PRKAG2: variants seen among roughly 807,000 people sequenced by gnomAD.
PRKAG2 encodes the protein protein kinase AMP-activated non-catalytic subunit gamma 2.
In PRKAG2, 26 loss-of-function variants were observed where a neutral mutation model predicts 69.6. That is an observed-to-expected ratio of 0.37 (90% CI 0.27 to 0.52). The LOEUF (loss-of-function observed/expected upper bound fraction) is 0.52. Ranked by LOEUF, PRKAG2 falls within the 20% of genes least tolerant of loss-of-function variation. PRKAG2 has a pLI of 0.90. For synonymous variants in PRKAG2, 293 were observed against 285.0 expected (o/e 1.03, Z -0.28); for missense variants, 557 against 740.0 (o/e 0.75, Z 2.87).
At chr7:151,869,869 C>T (rs1171601199) in intron 1 of PRKAG2, among the ~76,000 whole-genome samples, 1 of 152,194 alleles carries the variant, frequency 6.6e-6, no homozygotes, top group African/African-American at 2.4e-5. Flanking sequence ...ACTGAAGGTT[C>T]CCATAGCATA....
intron 3 of PRKAG2, among the ~76,000 whole-genome samples, chr7:151,731,869 ACT>A (rs1798993833): frequency 6.6e-6 from 1 of 152,166 alleles, no homozygotes; most frequent in South Asian, 2.1e-4. Context: ...ACAGTGTCTC[ACT>A]CTGTCTCCCA....
intron 6 of PRKAG2, among the ~76,000 whole-genome samples, chr7:151,582,503 G>C (rs1226045279): frequency 6.6e-6 from 1 of 152,146 alleles, no homozygotes; most frequent in African/African-American, 2.4e-5. Flanking sequence ...CAGTTCAATG[G>C]CAAAGAGAAC....
At chr7:151,694,934 C>T (rs554808669) in intron 3 of PRKAG2, among the ~76,000 whole-genome samples, 1 of 152,262 alleles carries the variant, frequency 6.6e-6, no homozygotes, top group African/African-American at 2.4e-5. Flanking sequence ...GGGTCAGAAT[C>T]TGTCAGCCTG....
chr7:151,772,306 C>G (rs1364733730), intron 3 of PRKAG2, among the ~76,000 whole-genome samples: 1 of 152,098 alleles, frequency 6.6e-6, no homozygotes, highest in African/African-American at 2.4e-5. Context: ...CCTCTCCCAC[C>G]ATCCTACACA....
chr7:151,644,955 T>A (rs975644529), intron 4 of PRKAG2, among the ~76,000 whole-genome samples: 1 of 152,238 alleles, frequency 6.6e-6, no homozygotes, highest in East Asian at 1.9e-4. Context: ...TGTTTATTGG[T>A]AATTAATGTG....
intron 15 of PRKAG2, chr7:151,558,526 G>T (rs1378800040): frequency 4.1e-5 from 39 of 950,004 alleles, no homozygotes; most frequent in Non-Finnish European, 4.8e-5. Flanking sequence ...ACAGCGCTCG[G>T]GTGGGACAGC....
chr7:151,749,878 C>T (rs1225696183), intron 3 of PRKAG2, among the ~76,000 whole-genome samples: 1 of 151,548 alleles, frequency 6.6e-6, no homozygotes, highest in Non-Finnish European at 1.5e-5. Flanking sequence ...GGGCAGATCA[C>T]GTGAGGTCAG....
intron 4 of PRKAG2, among the ~76,000 whole-genome samples, chr7:151,656,957 T>C (rs1025309898): frequency 2.0e-5 from 3 of 151,982 alleles, no homozygotes; most frequent in African/African-American, 4.8e-5. Context: ...GCCAACATGG[T>C]GAAACCCCAT....
chr7:151,598,856 A>AT (rs112495407), intron 5 of PRKAG2, among the ~76,000 whole-genome samples: 23,083 of 147,322 alleles, frequency 0.16, 1,851 homozygotes, highest in East Asian at 0.26. Flanking sequence ...TTTTTTATGT[A>AT]TTTTTTTTTT....
intron 1 of PRKAG2, among the ~76,000 whole-genome samples, chr7:151,833,157 A>C (rs1410410237): frequency 6.6e-6 from 1 of 152,230 alleles, no homozygotes; most frequent in African/African-American, 2.4e-5. Flanking sequence ...ATCAGGTGTG[A>C]TCAGTGCAAC....
chr7:151,819,598 T>C (rs1254018176), intron 1 of PRKAG2, among the ~76,000 whole-genome samples: 1 of 152,194 alleles, frequency 6.6e-6, no homozygotes, highest in Non-Finnish European at 1.5e-5. Flanking sequence ...CAAAGACATT[T>C]GGAGTCATTA....
chr7:151,608,731 T>TA (rs1023089630), intron 5 of PRKAG2, among the ~76,000 whole-genome samples: 9 of 151,538 alleles, frequency 5.9e-5, no homozygotes, highest in South Asian at 2.1e-4. Flanking sequence ...ATAACCAGTA[T>TA]AAAAAAACAA....
In PRKAG2 at chr7:151,737,041, C is replaced by T. The variant is rs10237555; in HGVS notation, c.466+44111G>A. Reference sequence around the variant, plus strand: ...TGTATATGTTTTGCAACCAATAAAACAAACTTTGGAAGCAAAAGATAGAAA... The same window carrying T: ...TGTATATGTTTTGCAACCAATAAAATAAACTTTGGAAGCAAAAGATAGAAA... On this transcript the variant is annotated intron_variant, in intron 3 of 15. Transcript: ENST00000287878. Among the ~76,000 whole-genome samples the T allele has an allele frequency of 7.1e-3, 1,088 of 152,218 alleles. 15 individuals are homozygous for T. Among genetic ancestry groups the T allele is most frequent in the African/African-American group, 0.024 (985 of 41,526 alleles).
rs147682037 is a variant in PRKAG2 at position 151,846,640 on chromosome 7, G to T, written c.114+29867C>A. On this transcript the variant is annotated intron_variant, in intron 1 of 15. Transcript: ENST00000287878. The stretch of plus-strand genomic sequence containing the variant: ...GGAGGTGGTATATGAGACCCTTTGT[G>T]CATGTATGTCTGTATGTGTAGGTGT... Among the ~76,000 whole-genome samples, 285 of 152,256 alleles carry T rather than the reference G, an allele frequency of 1.9e-3. 1 individual carries two copies. Among genetic ancestry groups the T allele is most frequent in the African/African-American group, 6.7e-3 (277 of 41,546 alleles).
intron 1 of PRKAG2, among the ~76,000 whole-genome samples, chr7:151,842,934 C>G (rs2079346286): frequency 6.6e-6 from 1 of 152,042 alleles, no homozygotes; most frequent in Non-Finnish European, 1.5e-5. Context: ...CCTTCAAGGT[C>G]TAGTTCTTCC....
intron 3 of PRKAG2, among the ~76,000 whole-genome samples, chr7:151,735,145 C>T (rs186743011): frequency 2.6e-4 from 39 of 152,224 alleles, no homozygotes; most frequent in African/African-American, 8.7e-4. Context: ...CATGAGCCAC[C>T]GCGCCCGGCC....
chr7:151,611,692 G>A (rs759233036), intron 5 of PRKAG2, among the ~76,000 whole-genome samples: 2 of 152,098 alleles, frequency 1.3e-5, no homozygotes, highest in South Asian at 2.1e-4. Flanking sequence ...TAGAAAAGAC[G>A]TTGGCGCACT....
intron 15 of PRKAG2, chr7:151,557,794 C>T (rs945294184): frequency 3.0e-5 from 19 of 633,378 alleles, no homozygotes; most frequent in Non-Finnish European, 3.3e-5. Context: ...CGCTTGAATC[C>T]GGGAGGTGGA....
chr7:151,876,766 G>T lies in PRKAG2; in HGVS notation c.-146C>A. On this transcript the variant is annotated 5_prime_UTR_variant, in exon 1 of 16. Transcript: ENST00000287878. ...GGGGACTTCCGCGGAGAGGGAGGGTGAGCAGGGAACTCGCGCGGCCGCCGC... is the reference window on the plus strand; with the variant it reads ...GGGGACTTCCGCGGAGAGGGAGGGTTAGCAGGGAACTCGCGCGGCCGCCGC... 1.2e-6 allele frequency: 1 copy of T among 809,014 alleles called. No individual in the cohort carries two copies. The highest frequency in any genetic ancestry group is 1.5e-5 in the South Asian group (1 of 67,922). 50.1% of individuals were successfully genotyped at this position (809,014 alleles called of 1,614,324 possible).
Sources: gnomAD v4.1 joint callset for allele counts (sites outside exome capture counted in the v4.1 genomes callset) on GRCh38, gnomAD v4.1.1 for gene constraint, MANE v1.5 for transcripts, NCBI Gene and HGNC (gene_info 2026-07-23, HGNC 2026-07-21) for gene names.